Variants in RPL34 observed in about 807,000 individuals in gnomAD.
RPL34 encodes the protein large ribosomal subunit protein eL34.
A neutral mutation model predicts 16.3 loss-of-function variants in RPL34; 2 were observed. That is an observed-to-expected ratio of 0.12 (90% confidence interval 0.05 to 0.39). The LOEUF is 0.39. Among genes scored for constraint, RPL34 ranks in the 10% least tolerant of loss-of-function variants. The probability of loss-of-function intolerance (pLI) is 0.99; values close to 1 mark genes in which losing one functional copy is unlikely to be tolerated. For missense variants in RPL34, 82 were observed against 148.8 expected, an observed-to-expected ratio of 0.55 and a Z score of 2.33; for synonymous variants, 47 against 48.5, an observed-to-expected ratio of 0.97 and a Z score of 0.13.
At chr4:108,622,296 C>G in intron 3 of RPL34, 92 bp downstream of exon 3, 1 of 991,034 alleles carries the variant, frequency 1.0e-6, no homozygotes, top group Non-Finnish European at 1.6e-6. Context: ...GGAGAGGTTA[C>G]CACTAAGAGG....
downstream of RPL34, among the ~76,000 whole-genome samples, chr4:108,627,220 CAG>C (rs1337899725): frequency 6.6e-6 from 1 of 151,586 alleles, no homozygotes; most frequent in East Asian, 1.9e-4. Flanking sequence ...GCCTGTGCGA[CAG>C]AGCGAGACTC....
chr4:108,624,241 T>C (rs553474262), intron 4 of RPL34, among the ~76,000 whole-genome samples: 1 of 152,330 alleles, frequency 6.6e-6, no homozygotes, highest in South Asian at 2.1e-4. Context: ...TGGTCTGTGC[T>C]TTGAGTAAGT....
intron 1 of RPL34, chr4:108,620,961 C>T (rs1476420509): frequency 6.6e-6 from 1 of 152,172 alleles, no homozygotes; most frequent in South Asian, 2.1e-4. Flanking sequence ...TGTCCTTAGT[C>T]TTTGGGAGGG....
chr4:108,627,217 C>T (rs775780523), downstream of RPL34, among the ~76,000 whole-genome samples: 19 of 151,548 alleles, frequency 1.3e-4, no homozygotes, highest in South Asian at 2.1e-4. Context: ...CTCGCCTGTG[C>T]GACAGAGCGA....
chr4:108,624,094 G>A (rs1725894575), intron 4 of RPL34, among the ~76,000 whole-genome samples: 4 of 152,112 alleles, frequency 2.6e-5, no homozygotes, highest in Admixed American at 2.6e-4. Flanking sequence ...CTAAAACTTT[G>A]CTGAACACAA....
At chr4:108,622,675 T>C in intron 4 of RPL34, 57 bp downstream of exon 4, 1 of 1,090,074 alleles carries the variant, frequency 9.2e-7, no homozygotes, top group Non-Finnish European at 1.4e-6. Flanking sequence ...TGTTATACTG[T>C]CTGCTGATCA....
chr4:108,629,861 G>A (rs1311212018), downstream of RPL34, among the ~76,000 whole-genome samples: 1 of 152,166 alleles, frequency 6.6e-6, no homozygotes, highest in Admixed American at 6.5e-5. Flanking sequence ...TTGATAGTCA[G>A]GGCTATGTCC....
At chr4:108,628,965 G>A (rs928808173), downstream of RPL34, among the ~76,000 whole-genome samples, 6 of 151,982 alleles carry the variant, frequency 3.9e-5, no homozygotes, top group African/African-American at 1.4e-4. Context: ...GATTACAGGC[G>A]CCTGCCACCA....
downstream of RPL34, among the ~76,000 whole-genome samples, chr4:108,628,025 G>C (rs1467299872): frequency 6.6e-6 from 1 of 152,116 alleles, no homozygotes; most frequent in Non-Finnish European, 1.5e-5. Flanking sequence ...TTGTATTGTT[G>C]GTAGGATTTT....
chr4:108,622,631 C>G lies in RPL34; in HGVS notation c.269+13C>G, dbSNP rs1162783155. On this transcript the variant is annotated intron_variant, in intron 4 of 4. Coordinates refer to ENST00000394667, the MANE Select transcript of RPL34 (RefSeq NM_001319236.2). ...GTGTTCGTGACAGGTAAGTTAAATG[C>G]TTAAATGGGCTTTCCTTAGCAAATT... 6.7e-7 allele frequency: 1 copy of G among 1,500,478 alleles called. No homozygotes were observed. The highest frequency in any genetic ancestry group is 1.2e-5 in the South Asian group (1 of 82,624). 92.9% of individuals were successfully genotyped at this position (1,500,478 alleles called of 1,614,324 possible).
chr4:108,624,762 G>T (rs982589061), intron 4 of RPL34, among the ~76,000 whole-genome samples: 1 of 152,034 alleles, frequency 6.6e-6, no homozygotes, highest in African/African-American at 2.4e-5. Context: ...CTTATGTGTT[G>T]TTTTTTACTG....
chr4:108,626,485 C>G (rs1330007058), downstream of RPL34, among the ~76,000 whole-genome samples: 2 of 136,006 alleles, frequency 1.5e-5, no homozygotes, highest in Non-Finnish European at 3.1e-5. Flanking sequence ...GAGCCTTGCT[C>G]TTGCCCAGGC....
downstream of RPL34, among the ~76,000 whole-genome samples, chr4:108,626,054 G>C (rs1162518911): frequency 6.6e-6 from 1 of 152,046 alleles, no homozygotes; most frequent in Admixed American, 6.6e-5. Flanking sequence ...ATAAAACCTT[G>C]GGTCAAGGGT....
chr4:108,627,112 G>T (rs113444240), downstream of RPL34, among the ~76,000 whole-genome samples: 5,494 of 152,138 alleles, frequency 0.036, 325 homozygotes, highest in African/African-American at 0.12. Flanking sequence ...GGTGGTATGC[G>T]TCTGTAATCC....
chr4:108,627,404 A>C (rs1268520391), downstream of RPL34, among the ~76,000 whole-genome samples: 1 of 152,070 alleles, frequency 6.6e-6, no homozygotes, highest in Admixed American at 6.6e-5. Flanking sequence ...AAAAATAAGA[A>C]TACCCCTTAA....
downstream of RPL34, among the ~76,000 whole-genome samples, chr4:108,629,763 TTAAG>T (rs1326964258): frequency 3.9e-5 from 6 of 152,230 alleles, no homozygotes; most frequent in Non-Finnish European, 5.9e-5. Context: ...CTCCAAATGT[TTAAG>T]TAAGCAAATC....
downstream of RPL34, chr4:108,625,379 T>G (rs1189696520): frequency 5.8e-6 from 3 of 519,088 alleles, no homozygotes; most frequent in Non-Finnish European, 1.0e-5. Flanking sequence ...TGTTTGTTTG[T>G]TTTTGGTTTG....
intron 4 of RPL34, among the ~76,000 whole-genome samples, chr4:108,623,620 A>T (rs1239647294): frequency 6.6e-6 from 1 of 152,150 alleles, no homozygotes; most frequent in African/African-American, 2.4e-5. Flanking sequence ...TGTGTTAGCC[A>T]GGATGGTCTC....
intron 4 of RPL34, among the ~76,000 whole-genome samples, chr4:108,623,665 C>G (rs1487572226): frequency 1.3e-5 from 2 of 152,172 alleles, no homozygotes; most frequent in African/African-American, 4.8e-5. Context: ...CTCGACCTCC[C>G]AAAGTGCTGG....
Sources: gnomAD v4.1 joint callset for allele counts (sites outside exome capture counted in the v4.1 genomes callset) on GRCh38, gnomAD v4.1.1 for gene constraint, MANE v1.5 for transcripts, NCBI Gene and HGNC (gene_info 2026-07-23, HGNC 2026-07-21) for gene names.